Variants in LAMB1 observed in about 807,000 individuals in gnomAD.
LAMB1 encodes laminin subunit beta-1.
A neutral mutation model predicts 222.3 loss-of-function variants in LAMB1; 121 were observed. That is an observed-to-expected ratio of 0.54 (90% confidence interval 0.47 to 0.63). LAMB1 has a LOEUF of 0.63. LAMB1 is among the 30% of genes least tolerant of loss of function. The pLI is 0.00. For synonymous variants in LAMB1, 794 were observed against 807.2 expected (o/e 0.98, Z 0.28); for missense variants, 2,172 against 2,240.8 (o/e 0.97, Z 0.62).
At position 107,924,384 on chromosome 7, in the gene LAMB1, T is replaced by G; in HGVS notation, c.5070A>C (p.Leu1690Phe). 2 of 1,603,312 alleles carry G rather than the reference T, an allele frequency of 1.2e-6. No individual in the cohort carries two copies. Among genetic ancestry groups the G allele is most frequent in the South Asian group, 2.2e-5 (2 of 89,718 alleles). The change falls in exon 33 of 34, where the codon TTA (leucine) becomes TTC (phenylalanine). Residue 1690 changes from leucine to phenylalanine, a missense_variant. Physicochemically the swap from Leu to Phe is conservative, Grantham distance 22. Coordinates refer to ENST00000222399, the MANE Select transcript of LAMB1 (RefSeq NM_002291.3). ...KQSAEDVKKT[L>F]DGELDEKYKK... ...TATACTTTTCATCAAGTTCACCATC[T>G]AAAGTCTATAGTTCCACATTTAGAC...
At chr7:107,974,199 C>T (rs2033806752) in intron 12 of LAMB1, among the ~76,000 whole-genome samples, 1 of 151,986 alleles carries the variant, frequency 6.6e-6, no homozygotes, top group South Asian at 2.1e-4. Flanking sequence ...GAAAGTATAA[C>T]AATGTTATTA....
At chr7:107,973,121 A>G in intron 12 of LAMB1, 50 bp from the exon 13 acceptor site, 1 of 1,438,404 alleles carries the variant, frequency 7.0e-7, no homozygotes, top group Non-Finnish European at 9.8e-7. Flanking sequence ...GTAATTATGC[A>G]ACAGACTCAG....
At chr7:107,971,779 T>G (rs191228280) in intron 13 of LAMB1, among the ~76,000 whole-genome samples, 1 of 152,200 alleles carries the variant, frequency 6.6e-6, no homozygotes, top group African/African-American at 2.4e-5. Flanking sequence ...AGACAGGAAG[T>G]GTGTATGGAA....
intron 27 of LAMB1, 92 bp from the exon 28 acceptor site, chr7:107,932,469 G>T: frequency 8.2e-7 from 1 of 1,221,326 alleles, no homozygotes; most frequent in Non-Finnish European, 1.2e-6. Flanking sequence ...CCCAGAGAAT[G>T]TGTAGGTGGT....
In LAMB1 at chr7:107,931,368, T is replaced by G; in HGVS notation, c.4525A>C (p.Asn1509His). 1 of 1,612,980 alleles carries G rather than the reference T, an allele frequency of 6.2e-7. No homozygotes were observed. Among genetic ancestry groups the G allele is most frequent in the Non-Finnish European group, 8.5e-7 (1 of 1,179,676 alleles). The change falls in exon 29 of 34, where the codon AAC becomes CAC. Residue 1509 changes from asparagine to histidine, a missense_variant. Physicochemically the swap from Asn to His is moderately conservative, Grantham distance 68. Transcript: ENST00000222399. ...AAAAATTTCTTACGGGTCAAAAAGTTTCTGATTTGCTTGATTAGATTTCTC... is the reference window on the plus strand; with the variant it reads ...AAAAATTTCTTACGGGTCAAAAAGTGTCTGATTTGCTTGATTAGATTTCTC... Reference protein sequence around the residue: ...ELRNLIKQIRNFLTQDSADLD... With the variant: ...ELRNLIKQIRHFLTQDSADLD...
rs879212814 is a variant in LAMB1, at chr7:107,937,044, A to G, written c.3946+49T>C. 7.5e-6 allele frequency: 11 copies of G among 1,469,790 alleles called. No individual in the cohort carries two copies. In the African/African-American group the frequency reaches 8.5e-5, roughly 11 times the overall value. The allele number at this position is 1,469,790 out of a possible 1,614,324, so 91.0% of individuals were successfully genotyped here. On this transcript the variant is annotated intron_variant, in intron 26 of 33. Transcript: ENST00000222399. ...AAAGTGCTATATTAAAACGTTAGAC[A>G]TATCGTTAAATCCATTGTCTGGGAC...
At chr7:107,962,294 T>C (rs1384770072) in intron 15 of LAMB1, among the ~76,000 whole-genome samples, 5 of 152,248 alleles carry the variant, frequency 3.3e-5, no homozygotes, top group Non-Finnish European at 5.9e-5. Flanking sequence ...GGCTTCAGTC[T>C]GTCACTGCAC....
At chr7:107,992,272 C>T (rs1001282579) in intron 5 of LAMB1, among the ~76,000 whole-genome samples, 3 of 152,174 alleles carry the variant, frequency 2.0e-5, no homozygotes, top group African/African-American at 7.2e-5. Flanking sequence ...TAATCTCACC[C>T]TCCTCCAGGC....
chr7:107,961,361 G>T lies in LAMB1; in HGVS notation c.1986-32C>A, dbSNP rs761728245. 3 of 1,610,102 alleles carry T rather than the reference G, an allele frequency of 1.9e-6. No individual in the cohort carries two copies. The Admixed American group carries it at 5.1e-5, about 27-fold the overall frequency. Reference sequence around the variant, plus strand: ...CCAAACAAAAAAGAAAGACAACAACGAAAGTCAACCTTCATGCATCCAAAA... The same window carrying T: ...CCAAACAAAAAAGAAAGACAACAACTAAAGTCAACCTTCATGCATCCAAAA... On this transcript the variant is annotated intron_variant, in intron 16 of 33. Transcript: ENST00000222399.
chr7:107,939,907 A>C lies in LAMB1; in HGVS notation c.3761+82T>G. On this transcript the variant is annotated intron_variant, in intron 25 of 33. Coordinates refer to ENST00000222399, the MANE Select transcript of LAMB1 (RefSeq NM_002291.3). ...ACTAACAAAACCTCCTGATGGAAGCACCATGCCAGGAAATCTTTGCTGTTA... is the reference window on the plus strand; with the variant it reads ...ACTAACAAAACCTCCTGATGGAAGCCCCATGCCAGGAAATCTTTGCTGTTA... The C allele has an allele frequency of 2.0e-6, 3 of 1,468,846 alleles. No homozygotes were observed. The South Asian group carries it at 3.8e-5, about 19-fold the overall frequency. 91.0% of individuals were successfully genotyped at this position (1,468,846 alleles called of 1,614,324 possible).
Position 107,932,364 on chromosome 7 carries a change from G to T in LAMB1, c.4202C>A (p.Pro1401His), listed in dbSNP as rs774736602. 6.2e-7 allele frequency: 1 copy of T among 1,614,186 alleles called. No homozygotes were observed. The highest frequency in any genetic ancestry group is 1.7e-5 in the Admixed American group (1 of 60,024). ...AGTCTCGGAACAGGAGGCCCCTGGG[G>T]GTGTTCCACAGGTCTGCAACAAGCC... ...SAAAEMTCGT[P>H]PGASCSETEC... is the part of the protein sequence containing the mutation. Residue 1401 changes from proline (P) to histidine (H), a missense_variant, in exon 28 of 34, where the codon CCC becomes CAC. Transcript: ENST00000222399.
chr7:107,982,847 T>C (rs563422263), intron 7 of LAMB1, among the ~76,000 whole-genome samples: 1 of 152,302 alleles, frequency 6.6e-6, no homozygotes, highest in African/African-American at 2.4e-5. Flanking sequence ...AAATGCATGA[T>C]CAGCTAACAT....
At chr7:107,975,569 C>A in intron 10 of LAMB1, 120 bp downstream of exon 10, 1 of 1,249,148 alleles carries the variant, frequency 8.0e-7, no homozygotes, top group Non-Finnish European at 1.1e-6. Context: ...TCTTCAACTG[C>A]AATTACAATA....
intron 25 of LAMB1, among the ~76,000 whole-genome samples, chr7:107,939,285 AG>A (rs1194146581): frequency 1.5e-4 from 23 of 151,984 alleles, no homozygotes; most frequent in Admixed American, 1.4e-3. Flanking sequence ...ATCCTTGAGA[AG>A]GTCAATTCTC....
In LAMB1 at chr7:107,937,147, T is replaced by C. The variant is rs1305494916; in HGVS notation, c.3892A>G (p.Thr1298Ala). The change falls in exon 26 of 34, where the codon ACT (threonine) becomes GCT (alanine). Residue 1298 changes from threonine (T) to alanine (A), a missense_variant. Thr to Ala is a moderately conservative substitution (Grantham distance 58). Transcript: ENST00000222399. ...AGTTGTTCAGCAAGTTCTTTCACAG[T>C]GTTGTCTAGGCTTTCGGCTTCTGTC... ...LQTEAESLDN[T>A]VKELAEQLEF... The C allele has an allele frequency of 6.2e-7, 1 of 1,614,082 alleles. No homozygotes were observed. The highest frequency in any genetic ancestry group is 1.7e-5 in the Admixed American group (1 of 60,008).
intron 27 of LAMB1, chr7:107,932,620 T>TA: frequency 1.8e-6 from 1 of 560,722 alleles, no homozygotes; most frequent in Middle Eastern, 4.7e-4. Flanking sequence ...CCAAATGAGT[T>TA]AAAATACTAT....
intron 27 of LAMB1, 196 bp from the exon 28 acceptor site, chr7:107,932,573 A>C (rs1276927582): frequency 3.3e-6 from 2 of 601,868 alleles, no homozygotes; most frequent in South Asian, 2.0e-5. Flanking sequence ...ATTTCCAAGG[A>C]AACAATGGAA....
chr7:107,959,559 C>G (rs2033450564), intron 19 of LAMB1, 79 bp from the exon 20 acceptor site: 1 of 1,606,430 alleles, frequency 6.2e-7, no homozygotes, highest in Non-Finnish European at 8.5e-7. Context: ...GCACCCTGTC[C>G]CCAATTCAGA....
At chr7:107,954,590 T>C (rs1239128965) in intron 21 of LAMB1, among the ~76,000 whole-genome samples, 1 of 152,092 alleles carries the variant, frequency 6.6e-6, no homozygotes, top group Non-Finnish European at 1.5e-5. Context: ...CTGGCTAACA[T>C]GGTGAAACCC....
Sources: gnomAD v4.1 joint callset for allele counts (sites outside exome capture counted in the v4.1 genomes callset) on GRCh38, gnomAD v4.1.1 for gene constraint, MANE v1.5 for transcripts, NCBI Gene and HGNC (gene_info 2026-07-23, HGNC 2026-07-21) for gene names.